The following MVB12B variants were observed in gnomAD, a reference collection of about 807,000 sequenced individuals.
MVB12B encodes ESCRT-I complex subunit MVB12B.
MVB12B carries 16 observed loss-of-function variants against 41.6 expected under a neutral mutation model. The observed-to-expected ratio is 0.38, with a 90% CI of 0.26 to 0.58. The LOEUF (loss-of-function observed/expected upper bound fraction) is 0.58, where lower values mean the gene tolerates loss of function less well. Among genes scored for constraint, MVB12B ranks in the 20% least tolerant of loss-of-function variants. The pLI, the probability that MVB12B is intolerant of heterozygous loss-of-function variation, is 0.62. For synonymous variants in MVB12B, 133 were observed against 139.7 expected, an observed-to-expected ratio of 0.95 and a Z score of 0.34; for missense variants, 274 against 380.2, an observed-to-expected ratio of 0.72 and a Z score of 2.32.
rs1438289122 is a variant in MVB12B at position 126,340,987 on chromosome 9, A to G, written c.204+357A>G. Among the ~76,000 whole-genome samples, 1 of 152,214 alleles carries G rather than the reference A, an allele frequency of 6.6e-6. No homozygotes were observed. Among genetic ancestry groups the G allele is most frequent in the East Asian group, 1.9e-4 (1 of 5,196 alleles). On this transcript the variant is annotated intron_variant, in intron 2 of 9. Transcript: ENST00000361171. This position sits in a 1 kb window ranked among gnomAD's most constrained non-coding sequence, Gnocchi z 4.0. The stretch of plus-strand genomic sequence containing the variant: ...ATGCATGTGTAAATATTGTAAAGGC[A>G]TTGTCCTACGTCTGTGTAGCTCTTT...
intron 2 of MVB12B, among the ~76,000 whole-genome samples, chr9:126,379,051 TC>T (rs1448266310): frequency 4.6e-5 from 7 of 152,184 alleles, no homozygotes; most frequent in Admixed American, 6.5e-5. Context: ...AAGACACAGC[TC>T]CCTGTCTTCC....
At position 126,395,695 on chromosome 9, in the gene MVB12B, CAGGTG is replaced by C; in HGVS notation, c.662+2_662+6del. The C allele has an allele frequency of 6.2e-7, 1 of 1,614,020 alleles. No individual in the cohort carries two copies. Among genetic ancestry groups the C allele is most frequent in the South Asian group, 1.1e-5 (1 of 91,070 alleles). On this transcript the variant is annotated splice_donor_variant and splice_donor_region_variant and coding_sequence_variant and intron_variant, in exon 6 of 10. Transcript: ENST00000361171. LOFTEE classifies it high-confidence loss of function. This position sits in a 1 kb window ranked among gnomAD's most constrained non-coding sequence, Gnocchi z 4.9. ...CCTCCACCCCAGCCCCCAACCTTCCCAGGTGAGGCCTTGTCGGGGTGTCTTGCGTT... is the reference window on the plus strand; with the variant it reads ...CCTCCACCCCAGCCCCCAACCTTCCCAGGCCTTGTCGGGGTGTCTTGCGTT...
chr9:126,488,313 C>G (rs563943275), intron 9 of MVB12B, among the ~76,000 whole-genome samples: 1 of 146,880 alleles, frequency 6.8e-6, no homozygotes, highest in Non-Finnish European at 1.5e-5. Flanking sequence ...GCTTTGCTCA[C>G]TGTAAACCTT....
chr9:126,436,388 T>G lies in MVB12B; in HGVS notation c.757+14440T>G, dbSNP rs1469960740. ...GTTATGAACTTTGCAGAGCAGCAGT[T>G]CTTATGCTAAAAACAGATTAATTGT... On this transcript the variant is annotated intron_variant, in intron 7 of 9. Transcript: ENST00000361171. This position sits in a 1 kb window ranked among gnomAD's most constrained non-coding sequence, Gnocchi z 4.1. Among the ~76,000 whole-genome samples the G allele has an allele frequency of 6.6e-6, 1 of 152,248 alleles. No individual in the cohort carries two copies. The highest frequency in any genetic ancestry group is 1.9e-4 in the East Asian group (1 of 5,206).
intron 7 of MVB12B, among the ~76,000 whole-genome samples, chr9:126,437,868 G>GGA (rs1239123810): frequency 6.6e-6 from 1 of 152,172 alleles, no homozygotes; most frequent in African/African-American, 2.4e-5. Flanking sequence ...GGAGTTTGGA[G>GGA]TAAAATTAAA....
chr9:126,419,435 T>C (rs1247011656), intron 6 of MVB12B, among the ~76,000 whole-genome samples: 1 of 152,182 alleles, frequency 6.6e-6, no homozygotes. Context: ...AAGGACCCCA[T>C]GTTTTCAACA....
intron 1 of MVB12B, among the ~76,000 whole-genome samples, chr9:126,336,988 A>G (rs1269087540): frequency 6.6e-6 from 1 of 152,196 alleles, no homozygotes; most frequent in Non-Finnish European, 1.5e-5. Context: ...CTGGCATCCT[A>G]CCACCTTTAT....
chr9:126,370,871 A>G (rs1229051296), intron 2 of MVB12B, among the ~76,000 whole-genome samples: 1 of 152,192 alleles, frequency 6.6e-6, no homozygotes, highest in Non-Finnish European at 1.5e-5. Flanking sequence ...CTATTCTTTT[A>G]TAGATGGTTT....
At chr9:126,476,769 C>T (rs931556729) in intron 7 of MVB12B, among the ~76,000 whole-genome samples, 7 of 146,010 alleles carry the variant, frequency 4.8e-5, no homozygotes, top group African/African-American at 1.3e-4. Context: ...CCCAGCTACT[C>T]GGGAGGCTGA....
At chr9:126,370,190 A>C (rs1481279919) in intron 2 of MVB12B, among the ~76,000 whole-genome samples, 1 of 152,158 alleles carries the variant, frequency 6.6e-6, no homozygotes, top group African/African-American at 2.4e-5. Context: ...CAAGTTAGGA[A>C]TAGAATTGCC....
In MVB12B at chr9:126,503,931, GGGA is replaced by G. The variant is rs1588220056; in HGVS notation, c.*675_*677del. ...CCGGTGGAGGGGTTGTTGCTTTCTG[GGGA>G]GGAGGACGGTTGACGGCCCTGCTTG... is the stretch of plus-strand genomic sequence containing the variant. On this transcript the variant is annotated 3_prime_UTR_variant, in exon 10 of 10. Transcript: ENST00000361171. 1 of 152,490 alleles carries G rather than the reference GGGA, an allele frequency of 6.6e-6. No homozygotes were observed. Among genetic ancestry groups the G allele is most frequent in the African/African-American group, 2.4e-5 (1 of 41,446 alleles). 9.4% of individuals were successfully genotyped at this position (152,490 alleles called of 1,614,324 possible). A position where few individuals can be genotyped will look rare whatever the true frequency, so the allele number is the denominator to read the frequency against.
In MVB12B at chr9:126,366,804, C is replaced by T. The variant is rs190607818; in HGVS notation, c.205-14260C>T. On this transcript the variant is annotated intron_variant, in intron 2 of 9. Coordinates refer to ENST00000361171, the MANE Select transcript of MVB12B (RefSeq NM_033446.3). Reference sequence around the variant, plus strand: ...CTTGGCGTCTGGCCCTGCCAGGCGCCGAGCTTCTGACTCCACGCAGCCAGC... The same window carrying T: ...CTTGGCGTCTGGCCCTGCCAGGCGCTGAGCTTCTGACTCCACGCAGCCAGC... 7.2e-5 allele frequency among the ~76,000 whole-genome samples: 11 copies of T among 152,166 alleles called. No homozygotes were observed. In the East Asian group the frequency reaches 1.2e-3, roughly 16 times the overall value.
rs554033665 is a variant in MVB12B at position 126,391,919 on chromosome 9, G to A, written c.410-147G>A. The A allele has an allele frequency of 4.8e-5, 44 of 911,152 alleles. No homozygotes were observed. The highest frequency in any genetic ancestry group is 4.8e-4 in the African/African-American group (29 of 60,550). The allele number at this position is 911,152 out of a possible 1,614,324, so 56.4% of individuals were successfully genotyped here. A position where few individuals can be genotyped will look rare whatever the true frequency, so the allele number is the denominator to read the frequency against. ...GACTGCAGCCCCGGGGAAGGCAGGC[G>A]GCAGAGCGCAGCCCTTCTGTCCAGC... On this transcript the variant is annotated intron_variant, in intron 4 of 9. Coordinates refer to ENST00000361171, the MANE Select transcript of MVB12B (RefSeq NM_033446.3). The surrounding 1 kb of genome is among the most constrained non-coding windows in gnomAD (Gnocchi z 4.4).
intron 2 of MVB12B, among the ~76,000 whole-genome samples, chr9:126,362,957 C>G (rs376518952): frequency 6.6e-6 from 1 of 152,066 alleles, no homozygotes. Context: ...GAAGCCGAGG[C>G]GGGGGTATCA....
intron 3 of MVB12B, among the ~76,000 whole-genome samples, chr9:126,381,603 G>T (rs1564300078): frequency 6.6e-6 from 1 of 151,970 alleles, no homozygotes; most frequent in Non-Finnish European, 1.5e-5. Flanking sequence ...CGCTCTTTGA[G>T]TCTCTGTGTG....
chr9:126,364,654 C>T lies in MVB12B; in HGVS notation c.205-16410C>T, dbSNP rs914104665. On this transcript the variant is annotated intron_variant, in intron 2 of 9. Coordinates refer to ENST00000361171, the MANE Select transcript of MVB12B (RefSeq NM_033446.3). ...AGACCCATTGCTTTCATAGCCTTCT[C>T]GAATTGCATTCAGGAATTGTGTCTT... Among the ~76,000 whole-genome samples the T allele has an allele frequency of 4.6e-5, 7 of 152,224 alleles. No individual in the cohort carries two copies. The South Asian group carries it at 8.3e-4, about 18-fold the overall frequency.
At chr9:126,438,527 A>G (rs1832550901) in intron 7 of MVB12B, among the ~76,000 whole-genome samples, 1 of 152,230 alleles carries the variant, frequency 6.6e-6, no homozygotes, top group Admixed American at 6.5e-5. Context: ...ACCCCTAGGT[A>G]ACATTCATGT....
In MVB12B at chr9:126,480,558, A is replaced by G. The variant is rs1188781443; in HGVS notation, c.758-811A>G. Among the ~76,000 whole-genome samples, 1 of 152,136 alleles carries G rather than the reference A, an allele frequency of 6.6e-6. No individual in the cohort carries two copies. Among genetic ancestry groups the G allele is most frequent in the Non-Finnish European group, 1.5e-5 (1 of 68,016 alleles). On this transcript the variant is annotated intron_variant, in intron 7 of 9. Coordinates refer to ENST00000361171, the MANE Select transcript of MVB12B (RefSeq NM_033446.3). The surrounding 1 kb of genome is among the most constrained non-coding windows in gnomAD (Gnocchi z 4.9). ...GCGGAGGGAGGGGTGGCCACAGAAA[A>G]GGAACCAGGCCCCTGGTTTCTCCAT...
chr9:126,407,160 G>T (rs889020998), intron 6 of MVB12B, among the ~76,000 whole-genome samples: 2 of 152,192 alleles, frequency 1.3e-5, no homozygotes, highest in African/African-American at 4.8e-5. Flanking sequence ...CAAATATCTA[G>T]CCCAACCCCA....
Sources: allele counts gnomAD v4.1 joint callset (sites outside exome capture counted in the v4.1 genomes callset), GRCh38; gene constraint gnomAD v4.1.1; non-coding constraint Gnocchi (gnomAD v3.1); transcripts MANE v1.5; gene names NCBI Gene and HGNC (gene_info 2026-07-23, HGNC 2026-07-21).